PPM1E: variants seen among roughly 807,000 people sequenced by gnomAD.
The protein encoded by PPM1E is protein phosphatase 1E.
In PPM1E, 20 loss-of-function variants were observed where a neutral mutation model predicts 65.9. The observed-to-expected ratio is 0.30, with a 90% CI of 0.21 to 0.44. The LOEUF is 0.44. Among genes scored for constraint, PPM1E ranks in the 20% least tolerant of loss-of-function variants. The probability of loss-of-function intolerance (pLI) is 1.00; values close to 1 mark genes in which losing one functional copy is unlikely to be tolerated. For synonymous variants in PPM1E, 352 were observed against 374.9 expected (o/e 0.94, Z 0.70); for missense variants, 713 against 953.1 (o/e 0.75, Z 3.32).
At chr17:58,815,316 T>A (rs2050404943) in intron 1 of PPM1E, among the ~76,000 whole-genome samples, 1 of 152,212 alleles carries the variant, frequency 6.6e-6, no homozygotes, top group Non-Finnish European at 1.5e-5. Flanking sequence ...TGGCACTATT[T>A]GGTGTCTTAT....
chr17:58,901,259 C>T (rs576978644), intron 1 of PPM1E, among the ~76,000 whole-genome samples: 10 of 152,294 alleles, frequency 6.6e-5, no homozygotes, highest in Middle Eastern at 3.4e-3. Flanking sequence ...ATATGATCAA[C>T]GTGAGCCACC....
At chr17:58,756,596 G>T in intron 1 of PPM1E, 135 bp downstream of exon 1, 1 of 1,090,614 alleles carries the variant, frequency 9.2e-7, no homozygotes, top group Non-Finnish European at 1.2e-6. Flanking sequence ...GCCGCTGAAA[G>T]CGCCCCCGCT....
intron 1 of PPM1E, among the ~76,000 whole-genome samples, chr17:58,938,784 ATTC>A (rs2052020155): frequency 6.9e-6 from 1 of 145,640 alleles, no homozygotes; most frequent in Non-Finnish European, 1.5e-5. Context: ...TGATACACTA[ATTC>A]TTTTTTTTTT....
At chr17:58,946,247 T>TA (rs1431072320) in intron 1 of PPM1E, among the ~76,000 whole-genome samples, 1 of 152,164 alleles carries the variant, frequency 6.6e-6, no homozygotes, top group African/African-American at 2.4e-5. Flanking sequence ...ACTCAGGAAA[T>TA]AAAAAGGGTT....
At chr17:58,905,030 A>G (rs2051541657) in intron 1 of PPM1E, among the ~76,000 whole-genome samples, 1 of 147,794 alleles carries the variant, frequency 6.8e-6, no homozygotes, top group Non-Finnish European at 1.5e-5. Context: ...ATCTCAAAAA[A>G]CAAACAAACA....
chr17:58,970,923 C>CTCTAT (rs549890086), intron 4 of PPM1E, among the ~76,000 whole-genome samples: 1 of 152,048 alleles, frequency 6.6e-6, no homozygotes, highest in East Asian at 1.9e-4. Flanking sequence ...CTTCTTCATC[C>CTCTAT]TCTATTCTAT....
At chr17:58,813,997 A>G (rs2050393233) in intron 1 of PPM1E, among the ~76,000 whole-genome samples, 1 of 152,200 alleles carries the variant, frequency 6.6e-6, no homozygotes, top group African/African-American at 2.4e-5. Context: ...TGAATAAGAA[A>G]TAGTCCCCTA....
chr17:58,955,520 T>C (rs2143644285), intron 1 of PPM1E, 129 bp from the exon 2 acceptor site: 1 of 1,023,296 alleles, frequency 9.8e-7, no homozygotes, highest in East Asian at 2.6e-5. Flanking sequence ...TAAATATTTA[T>C]TGAATATTGT....
chr17:58,775,285 G>A (rs1050792613), intron 1 of PPM1E, among the ~76,000 whole-genome samples: 2 of 152,168 alleles, frequency 1.3e-5, no homozygotes, highest in Non-Finnish European at 1.5e-5. Context: ...GATAGACACT[G>A]TTATTATCCT....
intron 1 of PPM1E, among the ~76,000 whole-genome samples, chr17:58,879,463 A>T (rs570533267): frequency 4.2e-5 from 6 of 144,492 alleles, no homozygotes; most frequent in Non-Finnish European, 9.1e-5. Context: ...TAAAATTAGG[A>T]TATCATTTAG....
At chr17:58,773,457 A>G (rs2049960432) in intron 1 of PPM1E, among the ~76,000 whole-genome samples, 1 of 152,170 alleles carries the variant, frequency 6.6e-6, no homozygotes, top group Non-Finnish European at 1.5e-5. Flanking sequence ...CAAATGCTGT[A>G]TCTTACTAGA....
chr17:58,948,260 C>T (rs945773868), intron 1 of PPM1E, among the ~76,000 whole-genome samples: 4 of 152,060 alleles, frequency 2.6e-5, no homozygotes, highest in African/African-American at 7.2e-5. Flanking sequence ...AATGCTGTTG[C>T]GGCCTTTTTA....
intron 6 of PPM1E, among the ~76,000 whole-genome samples, chr17:58,976,116 G>T (rs967124381): frequency 3.3e-5 from 5 of 152,156 alleles, no homozygotes; most frequent in Admixed American, 6.5e-5. Flanking sequence ...AGGACGAGGA[G>T]ATTTTAGATT....
chr17:58,791,240 G>A lies in PPM1E; in HGVS notation c.464+34779G>A, dbSNP rs750039178. Among the ~76,000 whole-genome samples the A allele has an allele frequency of 2.0e-5, 3 of 152,162 alleles. No homozygotes were observed. The South Asian group carries it at 6.2e-4, about 32-fold the overall frequency. ...CTAAATTTGAGTGGTTTATTATGCA[G>A]CAGTATAATACATTTTGGTTATCTA... On this transcript the variant is annotated intron_variant, in intron 1 of 6. Transcript: ENST00000308249.
At chr17:58,756,577 G>A in intron 1 of PPM1E, 116 bp downstream of exon 1, 1 of 1,167,340 alleles carries the variant, frequency 8.6e-7, no homozygotes, top group Non-Finnish European at 1.1e-6. Flanking sequence ...CCCCGCACCC[G>A]CGCCTGCCGC....
intron 1 of PPM1E, among the ~76,000 whole-genome samples, chr17:58,930,212 A>G (rs2051874276): frequency 6.6e-6 from 1 of 151,564 alleles, no homozygotes; most frequent in South Asian, 2.1e-4. Flanking sequence ...CCTGGGCAAC[A>G]TGGGAAAACC....
intron 1 of PPM1E, among the ~76,000 whole-genome samples, chr17:58,897,552 A>G (rs1307684782): frequency 2.0e-5 from 3 of 152,240 alleles, no homozygotes; most frequent in African/African-American, 7.2e-5. Context: ...TCTGCAGACC[A>G]TGGATCAAAG....
At chr17:58,962,813 C>T (rs1210067422) in intron 2 of PPM1E, among the ~76,000 whole-genome samples, 2 of 152,160 alleles carry the variant, frequency 1.3e-5, no homozygotes, top group Non-Finnish European at 2.9e-5. Flanking sequence ...GGCATGGCAG[C>T]TCATGCCTGT....
chr17:58,842,709 C>T lies in PPM1E; in HGVS notation c.464+86248C>T, dbSNP rs9899139. On this transcript the variant is annotated intron_variant, in intron 1 of 6. Transcript: ENST00000308249. ...ATCCCAGCACTTTGGGAGGCCAAGG[C>T]GGGTGGATCACTTGAGGTCAAGAGT... 1.3e-3 allele frequency among the ~76,000 whole-genome samples: 200 copies of T among 151,786 alleles called. 2 individuals carry two copies. The highest frequency in any genetic ancestry group is 3.0e-3 in the African/African-American group (123 of 41,398).
Sources: gnomAD v4.1 joint callset for allele counts (sites outside exome capture counted in the v4.1 genomes callset) on GRCh38, gnomAD v4.1.1 for gene constraint, MANE v1.5 for transcripts, NCBI Gene and HGNC (gene_info 2026-07-23, HGNC 2026-07-21) for gene names.